Variants in ZMIZ1 observed in about 807,000 individuals in gnomAD.
The protein encoded by ZMIZ1 is zinc finger MIZ-type containing 1.
A neutral mutation model predicts 113.9 loss-of-function variants in ZMIZ1; 17 were observed. The observed-to-expected ratio is 0.15, with a 90% confidence interval of 0.10 to 0.22. The LOEUF (loss-of-function observed/expected upper bound fraction) is 0.22. Ranked by LOEUF, ZMIZ1 falls within the 10% of genes least tolerant of loss-of-function variation. ZMIZ1 has a pLI of 1.00. For missense variants in ZMIZ1, 1,059 were observed against 1,477.8 expected, an observed-to-expected ratio of 0.72 and a Z score of 4.65; for synonymous variants, 607 against 603.1, an observed-to-expected ratio of 1.01 and a Z score of -0.09.
At chr10:79,138,181 G>A (rs1845097629) in intron 2 of ZMIZ1, among the ~76,000 whole-genome samples, 1 of 152,208 alleles carries the variant, frequency 6.6e-6, no homozygotes, top group Admixed American at 6.5e-5. Context: ...ACCATTGCCA[G>A]CCTCCTCTCA....
intron 4 of ZMIZ1, among the ~76,000 whole-genome samples, chr10:79,173,336 T>G (rs1205594783): frequency 6.6e-6 from 1 of 152,174 alleles, no homozygotes; most frequent in East Asian, 1.9e-4. Context: ...TGAGTGTATT[T>G]TATGTGTGAC....
chr10:79,076,039 C>G (rs1043029450), intron 1 of ZMIZ1, among the ~76,000 whole-genome samples: 1 of 152,166 alleles, frequency 6.6e-6, no homozygotes, highest in Non-Finnish European at 1.5e-5. Flanking sequence ...CTGGAAAGCC[C>G]CTTCCACTGT....
intron 3 of ZMIZ1, 46 bp from the exon 4 acceptor site, chr10:79,162,007 G>C (rs1846130870): frequency 2.5e-6 from 1 of 398,930 alleles, no homozygotes; most frequent in Admixed American, 4.4e-5. Flanking sequence ...GTCAGTGCCG[G>C]GCCTCTACTG....
intron 1 of ZMIZ1, among the ~76,000 whole-genome samples, chr10:79,095,406 C>T (rs976202977): frequency 2.4e-4 from 36 of 152,184 alleles, no homozygotes; most frequent in African/African-American, 7.7e-4. Flanking sequence ...GTTAGAAGAC[C>T]GCCCCTTCCA....
At chr10:79,127,036 A>G (rs1280732613) in intron 2 of ZMIZ1, among the ~76,000 whole-genome samples, 2 of 152,174 alleles carry the variant, frequency 1.3e-5, no homozygotes, top group African/African-American at 2.4e-5. Context: ...CCCAGGATAA[A>G]ATGAGAGATG....
intron 4 of ZMIZ1, among the ~76,000 whole-genome samples, chr10:79,185,810 AT>A (rs1239739610): frequency 1.7e-5 from 1 of 58,098 alleles, no homozygotes; most frequent in East Asian, 7.8e-4. Context: ...TTAGAAAAGA[AT>A]CCCCCTGGAA....
At chr10:79,251,098 G>A (rs1275069253) in intron 7 of ZMIZ1, among the ~76,000 whole-genome samples, 2 of 152,096 alleles carry the variant, frequency 1.3e-5, no homozygotes, top group African/African-American at 2.4e-5. Context: ...CTGAATTGGG[G>A]GTTTCCAGGT....
At chr10:79,160,046 A>G (rs1262061397) in intron 3 of ZMIZ1, among the ~76,000 whole-genome samples, 1 of 152,176 alleles carries the variant, frequency 6.6e-6, no homozygotes, top group East Asian at 1.9e-4. Flanking sequence ...TCTCTCTGTC[A>G]GCGGCTCTGC....
intron 2 of ZMIZ1, among the ~76,000 whole-genome samples, chr10:79,130,632 C>T (rs61853177): frequency 8.0e-4 from 122 of 152,238 alleles, no homozygotes; most frequent in Non-Finnish European, 1.2e-3. Context: ...GGTGCATAGG[C>T]GCTGGGGTCA....
chr10:79,090,726 G>C (rs1240177227), intron 1 of ZMIZ1, among the ~76,000 whole-genome samples: 1 of 152,336 alleles, frequency 6.6e-6, no homozygotes, highest in South Asian at 2.1e-4. Flanking sequence ...CACAAAACCA[G>C]AGTGAAAAGA....
rs749103304 is a variant in ZMIZ1, at chr10:79,277,287, CAGCTCCATG to C, written c.398_406del (p.Ser133_Met135del). On this transcript the variant is annotated inframe_deletion, in exon 8 of 25. Coordinates refer to ENST00000334512, the MANE Select transcript of ZMIZ1 (RefSeq NM_020338.4). The stretch of plus-strand genomic sequence containing the variant: ...GGAAACTCCCCATGCAGCCCCCTCT[CAGCTCCATG>C]AGCTCCATGAAACCCACTCTGTCGC... 10 of 1,602,746 alleles carry C rather than the reference CAGCTCCATG, an allele frequency of 6.2e-6. No homozygotes were observed. The Middle Eastern group carries it at 8.3e-4, about 133-fold the overall frequency.
At chr10:79,122,190 G>A (rs1164212978) in intron 2 of ZMIZ1, among the ~76,000 whole-genome samples, 1 of 152,096 alleles carries the variant, frequency 6.6e-6, no homozygotes, top group East Asian at 1.9e-4. Context: ...CCACGACCTT[G>A]GGCAAGTCCT....
intron 4 of ZMIZ1, among the ~76,000 whole-genome samples, chr10:79,175,629 TGGAG>T (rs199791885): frequency 0.17 from 18,464 of 111,552 alleles, 1,448 homozygotes; most frequent in East Asian, 0.4. Flanking sequence ...TGTGTGTGTG[TGGAG>T]GTTTTTACAG....
chr10:79,088,870 G>A (rs1842907162), intron 1 of ZMIZ1, among the ~76,000 whole-genome samples: 1 of 152,194 alleles, frequency 6.6e-6, no homozygotes, highest in African/African-American at 2.4e-5. Flanking sequence ...ACCAGGCATG[G>A]TACTTTGGGG....
intron 4 of ZMIZ1, among the ~76,000 whole-genome samples, chr10:79,193,415 G>T (rs1408882400): frequency 6.6e-6 from 1 of 152,190 alleles, no homozygotes; most frequent in East Asian, 1.9e-4. Context: ...CCTCAACGGG[G>T]TAACCAGTGT....
intron 6 of ZMIZ1, among the ~76,000 whole-genome samples, chr10:79,212,381 G>A (rs1174124820): frequency 2.6e-5 from 4 of 151,826 alleles, no homozygotes; most frequent in African/African-American, 4.8e-5. Context: ...ATGTTGCCCA[G>A]GATGGTCTCA....
intron 3 of ZMIZ1, among the ~76,000 whole-genome samples, chr10:79,160,753 G>A (rs1589358265): frequency 6.6e-6 from 1 of 152,244 alleles, no homozygotes; most frequent in East Asian, 1.9e-4. Flanking sequence ...CCCTTACCGA[G>A]CCCCTTGGCG....
At chr10:79,199,213 A>G (rs984371390) in intron 4 of ZMIZ1, among the ~76,000 whole-genome samples, 3 of 147,738 alleles carry the variant, frequency 2.0e-5, no homozygotes, top group African/African-American at 7.4e-5. Flanking sequence ...CGGCCATTAA[A>G]AAATGAAAAG....
At chr10:79,208,152 G>A (rs914239151) in intron 5 of ZMIZ1, among the ~76,000 whole-genome samples, 184 bp from the exon 6 acceptor site, 2 of 147,846 alleles carry the variant, frequency 1.4e-5, no homozygotes, top group East Asian at 4.1e-4. Context: ...GGTGGGAGCA[G>A]GCATGCCGAG....
Sources: allele counts gnomAD v4.1 joint callset (sites outside exome capture counted in the v4.1 genomes callset), GRCh38; gene constraint gnomAD v4.1.1; transcripts MANE v1.5; gene names NCBI Gene and HGNC (gene_info 2026-07-23, HGNC 2026-07-21).